The following GSK3B variants were observed in gnomAD, a reference collection of about 807,000 sequenced individuals.
The protein encoded by GSK3B is glycogen synthase kinase-3 beta.
A neutral mutation model predicts 56.4 loss-of-function variants in GSK3B; 15 were observed. That is an observed-to-expected ratio of 0.27 (90% CI 0.18 to 0.41). GSK3B has a LOEUF of 0.41. Ranked by LOEUF, GSK3B falls within the 10% of genes least tolerant of loss-of-function variation. The pLI is 1.00. For synonymous variants in GSK3B, 181 were observed against 188.9 expected, an observed-to-expected ratio of 0.96 and a Z score of 0.34; for missense variants, 300 against 513.4, an observed-to-expected ratio of 0.58 and a Z score of 4.02.
chr3:119,912,646 T>C (rs1321776733), intron 6 of GSK3B, 58 bp downstream of exon 6: 9 of 742,784 alleles, frequency 1.2e-5, no homozygotes, highest in Middle Eastern at 5.0e-4. Flanking sequence ...TAGTACTAAA[T>C]TACCAAAATC....
At chr3:119,912,832 T>G (rs1241360058) in intron 5 of GSK3B, 22 bp from the exon 6 acceptor site, 1 of 1,269,022 alleles carries the variant, frequency 7.9e-7, no homozygotes, top group Non-Finnish European at 1.1e-6. Flanking sequence ...AAAATAAAAA[T>G]AAAAAGCAGA....
intron 2 of GSK3B, among the ~76,000 whole-genome samples, chr3:119,969,255 G>A (rs1391089221): frequency 6.7e-6 from 1 of 149,798 alleles, no homozygotes; most frequent in Middle Eastern, 3.2e-3. Flanking sequence ...TTGCGCCAAC[G>A]TACTCCAGCC....
At chr3:119,927,573 A>T (rs1212806459) in intron 3 of GSK3B, among the ~76,000 whole-genome samples, 9 of 152,220 alleles carry the variant, frequency 5.9e-5, no homozygotes, top group Admixed American at 5.9e-4. Context: ...AAACAGTAGA[A>T]AGGTTTGAAG....
intron 2 of GSK3B, among the ~76,000 whole-genome samples, chr3:119,961,855 CAT>C (rs1333997496): frequency 6.6e-6 from 1 of 152,142 alleles, no homozygotes; most frequent in Non-Finnish European, 1.5e-5. Context: ...CAATAAATTA[CAT>C]GAGATATTCA....
Position 120,036,792 on chromosome 3 carries a change from C to CAAAAA in GSK3B, c.89-34558_89-34554dup, listed in dbSNP as rs560163237. Among the ~76,000 whole-genome samples, 100 of 64,264 alleles carry CAAAAA rather than the reference C, an allele frequency of 1.6e-3. 7 individuals are homozygous for CAAAAA. The highest frequency in any genetic ancestry group is 4.7e-3 in the African/African-American group (84 of 17,940). 42.2% of individuals were successfully genotyped at this position (64,264 alleles called of 152,430 possible). The stretch of plus-strand genomic sequence containing the variant: ...TGGGCGACAGAGTAAGACTCCGACT[C>CAAAAA]AAAAAAAAAAAAAAAAAAAAAGCAG... On this transcript the variant is annotated intron_variant, in intron 1 of 10. Transcript: ENST00000264235.
At chr3:120,017,260 T>G (rs2057834946) in intron 1 of GSK3B, among the ~76,000 whole-genome samples, 1 of 152,172 alleles carries the variant, frequency 6.6e-6, no homozygotes, top group Non-Finnish European at 1.5e-5. Flanking sequence ...CACTCACTGA[T>G]CCAGTCAGTG....
intron 1 of GSK3B, chr3:120,041,217 G>A (rs1014585893): frequency 1.0e-5 from 2 of 199,686 alleles, no homozygotes; most frequent in South Asian, 7.8e-5. Context: ...CTTCTGCTGG[G>A]GCCAAGTGGT....
chr3:119,848,725 C>T (rs2055889362), intron 9 of GSK3B, among the ~76,000 whole-genome samples: 1 of 151,780 alleles, frequency 6.6e-6, no homozygotes, highest in Non-Finnish European at 1.5e-5. Flanking sequence ...AAATTTTGTA[C>T]TAAATTACAT....
At chr3:119,909,188 T>G (rs1409707452) in intron 6 of GSK3B, among the ~76,000 whole-genome samples, 1 of 152,006 alleles carries the variant, frequency 6.6e-6, no homozygotes, top group Non-Finnish European at 1.5e-5. Flanking sequence ...CCGGCTAATT[T>G]TTGGTAGTGA....
chr3:119,995,471 ATT>A (rs576857009), intron 2 of GSK3B, among the ~76,000 whole-genome samples: 1 of 147,882 alleles, frequency 6.8e-6, no homozygotes, highest in Non-Finnish European at 1.5e-5. Flanking sequence ...AACAATAATT[ATT>A]TTTTTTTTTT....
At chr3:119,885,994 T>A (rs2056432022) in intron 7 of GSK3B, among the ~76,000 whole-genome samples, 1 of 151,964 alleles carries the variant, frequency 6.6e-6, no homozygotes, top group Admixed American at 6.6e-5. Flanking sequence ...CCTTGAGAAA[T>A]AATCTATGAC....
intron 7 of GSK3B, among the ~76,000 whole-genome samples, chr3:119,879,590 T>C (rs1368365735): frequency 6.6e-6 from 1 of 152,150 alleles, no homozygotes; most frequent in African/African-American, 2.4e-5. Flanking sequence ...ATACTAGATA[T>C]TATTCATTCT....
chr3:120,022,183 C>T (rs1392865055), intron 1 of GSK3B, among the ~76,000 whole-genome samples: 1 of 152,198 alleles, frequency 6.6e-6, no homozygotes, highest in Non-Finnish European at 1.5e-5. Flanking sequence ...CAGCAACCAC[C>T]ACCCTAATCA....
At chr3:119,964,905 A>T (rs927863431) in intron 2 of GSK3B, among the ~76,000 whole-genome samples, 1 of 152,172 alleles carries the variant, frequency 6.6e-6, no homozygotes, top group African/African-American at 2.4e-5. Context: ...CACATTAATT[A>T]TATGCAGTTT....
chr3:120,038,818 T>TA (rs60085357), intron 1 of GSK3B, among the ~76,000 whole-genome samples: 1,708 of 121,660 alleles, frequency 0.014, 7 homozygotes, highest in African/African-American at 0.025. Flanking sequence ...GCACAGTCCA[T>TA]AAAAAAAAAA....
At chr3:119,967,328 G>C (rs527311545) in intron 2 of GSK3B, among the ~76,000 whole-genome samples, 2 of 152,028 alleles carry the variant, frequency 1.3e-5, no homozygotes, top group Non-Finnish European at 2.9e-5. Context: ...TGTCCGCCTC[G>C]GCCTCCCAAG....
At chr3:119,960,471 TG>T (rs1317494990) in intron 2 of GSK3B, among the ~76,000 whole-genome samples, 1 of 152,170 alleles carries the variant, frequency 6.6e-6, no homozygotes, top group Non-Finnish European at 1.5e-5. Flanking sequence ...CAAGAGAATC[TG>T]AGGAAATTTG....
chr3:120,093,682 AAATAC>A lies in GSK3B; in HGVS notation c.-253_-249del. 1 of 385,884 alleles carries A rather than the reference AAATAC, an allele frequency of 2.6e-6. No individual in the cohort carries two copies. Among genetic ancestry groups the A allele is most frequent in the Non-Finnish European group, 4.6e-6 (1 of 215,524 alleles). The allele number at this position is 385,884 out of a possible 1,614,324, so 23.9% of individuals were successfully genotyped here. Reference sequence around the variant, plus strand: ...TATAGATGATTTAGGACTTGGGAAAAAATACAATTCTTTCCCCTCCCTTTCCTGGG... The same window carrying A: ...TATAGATGATTTAGGACTTGGGAAAAAATTCTTTCCCCTCCCTTTCCTGGG... On this transcript the variant is annotated 5_prime_UTR_variant, in exon 1 of 11. Coordinates refer to ENST00000264235, the MANE Select transcript of GSK3B (RefSeq NM_001146156.2).
chr3:120,064,208 A>G (rs187407354), intron 1 of GSK3B, among the ~76,000 whole-genome samples: 2 of 151,932 alleles, frequency 1.3e-5, no homozygotes, highest in Admixed American at 1.3e-4. Context: ...TAAGAAAGAG[A>G]GAAAACCTTA....
Sources: allele counts gnomAD v4.1 joint callset (sites outside exome capture counted in the v4.1 genomes callset), GRCh38; gene constraint gnomAD v4.1.1; transcripts MANE v1.5; gene names NCBI Gene and HGNC (gene_info 2026-07-23, HGNC 2026-07-21).